SOX5: variants seen among roughly 807,000 people sequenced by gnomAD.
SOX5 encodes SRY-box transcription factor 5, also known as transcription factor SOX-5.
A neutral mutation model predicts 92.0 loss-of-function variants in SOX5; 9 were observed. The observed-to-expected ratio is 0.10, with a 90% confidence interval of 0.06 to 0.17. SOX5 has a LOEUF of 0.17. SOX5 is among the 10% of genes least tolerant of loss of function. The pLI, the probability that SOX5 is intolerant of heterozygous loss-of-function variation, is 1.00. For missense variants in SOX5, 642 were observed against 944.5 expected (o/e 0.68, Z 4.20); for synonymous variants, 344 against 336.3 (o/e 1.02, Z -0.25).
intron 1 of SOX5, among the ~76,000 whole-genome samples, chr12:24,462,822 G>A (rs950065257): frequency 6.6e-6 from 1 of 152,164 alleles, no homozygotes; most frequent in African/African-American, 2.4e-5. Flanking sequence ...AATTGTACTA[G>A]ACTTTGTTGG....
intron 3 of SOX5, among the ~76,000 whole-genome samples, chr12:23,830,728 C>T (rs536523563): frequency 1.3e-5 from 2 of 152,096 alleles, no homozygotes; most frequent in East Asian, 1.9e-4. Flanking sequence ...TTAGGAAAGC[C>T]GATCTCCATA....
chr12:23,701,001 C>T (rs2090559393), intron 6 of SOX5, among the ~76,000 whole-genome samples: 1 of 151,416 alleles, frequency 6.6e-6, no homozygotes, highest in African/African-American at 2.4e-5. Flanking sequence ...GTCTTAATTT[C>T]ATATGGAGTA....
chr12:23,886,543 CT>C (rs1358599415), intron 2 of SOX5, among the ~76,000 whole-genome samples: 6 of 149,102 alleles, frequency 4.0e-5, no homozygotes, highest in Admixed American at 4.0e-4. Flanking sequence ...TTTTTTTTTT[CT>C]TTTTTGGATT....
intron 6 of SOX5, among the ~76,000 whole-genome samples, chr12:23,667,916 G>C (rs141680978): frequency 6.6e-6 from 1 of 152,288 alleles, no homozygotes; most frequent in Non-Finnish European, 1.5e-5. Context: ...CGTTGATCCT[G>C]ATTATTCGTG....
intron 2 of SOX5, among the ~76,000 whole-genome samples, chr12:24,355,911 G>A (rs1288749136): frequency 3.9e-5 from 6 of 152,104 alleles, no homozygotes; most frequent in Non-Finnish European, 8.8e-5. Flanking sequence ...GTACTCCTAA[G>A]AATAAAATGT....
chr12:23,955,371 C>A (rs559582392), upstream of SOX5, among the ~76,000 whole-genome samples: 6 of 152,210 alleles, frequency 3.9e-5, no homozygotes, highest in African/African-American at 1.4e-4. Flanking sequence ...ATAACAATCA[C>A]CAGAACTAGT....
intron 3 of SOX5, among the ~76,000 whole-genome samples, chr12:24,272,104 C>G (rs1392709150): frequency 6.6e-6 from 1 of 152,114 alleles, no homozygotes; most frequent in Admixed American, 6.5e-5. Context: ...AATATTGGAT[C>G]TTTTCAATGC....
Position 24,133,380 on chromosome 12 carries a change from T to C in SOX5, c.-2+79963A>G, listed in dbSNP as rs532852543. ...GTTGTCAAAATAACCTGGAACATCC[T>C]CTACATTTAAGAAAGATAAAGAAGA... On this transcript the variant is annotated intron_variant, in intron 4 of 4. Transcript: ENST00000446891. Among the ~76,000 whole-genome samples the C allele has an allele frequency of 2.6e-5, 4 of 152,324 alleles. No individual in the cohort carries two copies. In the South Asian group the frequency reaches 8.3e-4, roughly 32 times the overall value.
intron 4 of SOX5, among the ~76,000 whole-genome samples, chr12:23,960,944 T>C (rs1392986037): frequency 1.3e-5 from 2 of 152,050 alleles, no homozygotes; most frequent in East Asian, 3.9e-4. Flanking sequence ...TTTTTATATA[T>C]TTTGTATTTT....
At chr12:24,424,097 G>A (rs1005628665) in intron 1 of SOX5, among the ~76,000 whole-genome samples, 1 of 152,166 alleles carries the variant, frequency 6.6e-6, no homozygotes, top group Non-Finnish European at 1.5e-5. Flanking sequence ...TGTGGCAGCT[G>A]AAAAATATTA....
chr12:23,678,929 AATT>A (rs2086132665), intron 6 of SOX5, among the ~76,000 whole-genome samples: 1 of 152,138 alleles, frequency 6.6e-6, no homozygotes, highest in Non-Finnish European at 1.5e-5. Flanking sequence ...TATCAAAATA[AATT>A]ATAACTTGTA....
intron 1 of SOX5, among the ~76,000 whole-genome samples, chr12:24,520,484 A>T (rs1950172561): frequency 6.8e-6 from 1 of 146,270 alleles, no homozygotes; most frequent in Admixed American, 6.8e-5. Context: ...TCTATAATAG[A>T]CACATAAAAG....
chr12:24,266,407 G>C (rs899098864), intron 3 of SOX5, among the ~76,000 whole-genome samples: 1 of 152,094 alleles, frequency 6.6e-6, no homozygotes, highest in Non-Finnish European at 1.5e-5. Flanking sequence ...AATGTGCACT[G>C]TGTGAAATGG....
At chr12:24,094,178 C>A (rs1026388102) in intron 4 of SOX5, among the ~76,000 whole-genome samples, 1 of 152,114 alleles carries the variant, frequency 6.6e-6, no homozygotes, top group African/African-American at 2.4e-5. Flanking sequence ...AACTTCTGAC[C>A]TCAGATGATC....
intron 1 of SOX5, among the ~76,000 whole-genome samples, chr12:24,451,032 T>G (rs1276012812): frequency 6.6e-6 from 1 of 152,166 alleles, no homozygotes; most frequent in Non-Finnish European, 1.5e-5. Flanking sequence ...CACAAATAAT[T>G]GAGAATATGT....
At chr12:24,042,724 C>G (rs1203208392) in intron 4 of SOX5, among the ~76,000 whole-genome samples, 2 of 152,032 alleles carry the variant, frequency 1.3e-5, no homozygotes, top group Non-Finnish European at 2.9e-5. Context: ...TGGGTGTGTA[C>G]TTGCACTGAG....
At chr12:24,473,282 T>A (rs1944997696) in intron 1 of SOX5, among the ~76,000 whole-genome samples, 1 of 151,774 alleles carries the variant, frequency 6.6e-6, no homozygotes, top group African/African-American at 2.4e-5. Flanking sequence ...TCATATGTAG[T>A]GTTTGCAAAT....
intron 2 of SOX5, among the ~76,000 whole-genome samples, chr12:23,850,853 ACACT>A (rs1242028165): frequency 6.6e-6 from 1 of 152,198 alleles, no homozygotes; most frequent in Non-Finnish European, 1.5e-5. Flanking sequence ...ACACAGACAC[ACACT>A]CATACAATTG....
intron 8 of SOX5, among the ~76,000 whole-genome samples, chr12:23,635,889 G>C (rs555204130): frequency 5.2e-4 from 79 of 152,128 alleles, no homozygotes; most frequent in South Asian, 4.1e-3. Context: ...AAAAGCTAGT[G>C]AATGAATAAA....
Sources: gnomAD v4.1 joint callset for allele counts (sites outside exome capture counted in the v4.1 genomes callset) on GRCh38, gnomAD v4.1.1 for gene constraint, MANE v1.5 for transcripts, NCBI Gene and HGNC (gene_info 2026-07-23, HGNC 2026-07-21) for gene names.